Variants in FRY observed in about 807,000 individuals in gnomAD.
FRY encodes protein furry homolog.
A neutral mutation model predicts 348.4 loss-of-function variants in FRY; 128 were observed. That is an observed-to-expected ratio of 0.37 (90% CI 0.32 to 0.43). The LOEUF (loss-of-function observed/expected upper bound fraction) is 0.43, where lower values mean the gene tolerates loss of function less well. Ranked by LOEUF, FRY falls within the 20% of genes least tolerant of loss-of-function variation. The pLI is 1.00. For missense variants in FRY, 2,736 were observed against 3,695.2 expected, an observed-to-expected ratio of 0.74 and a Z score of 6.73; for synonymous variants, 1,370 against 1,374.7, an observed-to-expected ratio of 1.00 and a Z score of 0.08.
Position 32,034,249 on chromosome 13 carries a change from C to T in FRY, c.70+2384C>T, listed in dbSNP as rs370535324. Among the ~76,000 whole-genome samples the T allele has an allele frequency of 5.9e-5, 9 of 152,150 alleles. No individual in the cohort carries two copies. In the East Asian group the frequency reaches 1.3e-3, roughly 23 times the overall value. ...GTTAGAAGAAAGGTAATTCCATAAG[C>T]GTTTCCAGGTAAAGCTTTCCATATT... is the stretch of plus-strand genomic sequence containing the variant. On this transcript the variant is annotated intron_variant, in intron 1 of 60. Coordinates refer to ENST00000542859, the MANE Select transcript of FRY (RefSeq NM_023037.3).
chr13:32,041,913 T>C (rs975353101), intron 1 of FRY, among the ~76,000 whole-genome samples: 1 of 152,258 alleles, frequency 6.6e-6, no homozygotes, highest in African/African-American at 2.4e-5. Flanking sequence ...CATTTTCATC[T>C]GGCAGAGTAA....
intron 35 of FRY, among the ~76,000 whole-genome samples, chr13:32,216,648 G>A (rs1250137819): frequency 2.6e-5 from 4 of 152,190 alleles, no homozygotes; most frequent in Non-Finnish European, 4.4e-5. Context: ...AATGATGTCT[G>A]GGCCTAGCAG....
intron 51 of FRY, among the ~76,000 whole-genome samples, chr13:32,255,883 T>C (rs1238597935): frequency 6.6e-6 from 1 of 152,216 alleles, no homozygotes; most frequent in African/African-American, 2.4e-5. Flanking sequence ...AAATTCAAGC[T>C]TGGACACCTG....
chr13:32,047,582 G>GT (rs1390159735), intron 1 of FRY, among the ~76,000 whole-genome samples: 2 of 51,472 alleles, frequency 3.9e-5, no homozygotes, highest in South Asian at 9.8e-4. Flanking sequence ...CTTTTTTTTT[G>GT]GGGGGGGTGC....
intron 1 of FRY, among the ~76,000 whole-genome samples, chr13:32,054,900 G>T (rs376348199): frequency 4.7e-4 from 71 of 152,096 alleles, no homozygotes; most frequent in South Asian, 1.7e-3. Flanking sequence ...AATAAATAAA[G>T]AAAATAAAAG....
At position 32,181,789 on chromosome 13, in the gene FRY, T is replaced by G. The variant is rs144477383; in HGVS notation, c.2997-1188T>G. Among the ~76,000 whole-genome samples the G allele has an allele frequency of 1.8e-3, 273 of 152,146 alleles. 1 individual carries two copies. The highest frequency in any genetic ancestry group is 6.2e-3 in the African/African-American group (258 of 41,502). On this transcript the variant is annotated intron_variant, in intron 23 of 60. Transcript: ENST00000542859. ...GCCTCAGTTTTCTCAACTGTAAAAT[T>G]GGCATAATAAATAAAAATATATAAG...
intron 54 of FRY, 44 bp downstream of exon 54, chr13:32,265,660 G>C: frequency 6.4e-7 from 1 of 1,570,532 alleles, no homozygotes; most frequent in Non-Finnish European, 8.7e-7. Context: ...AATGTGCATG[G>C]TACATTATAT....
chr13:32,229,040 G>A (rs1403883308), intron 40 of FRY, among the ~76,000 whole-genome samples: 1 of 152,186 alleles, frequency 6.6e-6, no homozygotes, highest in African/African-American at 2.4e-5. Flanking sequence ...TGGAAATCAA[G>A]GATATTAGCC....
chr13:32,099,932 C>G (rs1205075551), intron 2 of FRY, among the ~76,000 whole-genome samples: 1 of 151,858 alleles, frequency 6.6e-6, no homozygotes. Flanking sequence ...ATTATTTTTG[C>G]AGAGAACTAG....
rs769178993 is a variant in FRY at position 32,171,098 on chromosome 13, A to G, written c.1979A>G (p.Glu660Gly). The stretch of plus-strand genomic sequence containing the variant: ...CTTGTTGACTTCTCAGATTGGAGGG[A>G]AGATGTACTATTTGGCTTTACCAAC... The part of the protein sequence containing the change: ...GLLVDFSDWR[E>G]DVLFGFTNFL... The change falls in exon 18 of 61, where the codon GAA (glutamate) becomes GGA (glycine). Residue 660 changes from glutamate (E) to glycine (G), a missense_variant. Glu to Gly is a moderately conservative substitution (Grantham distance 98). Around this residue, in one of 9 missense-constraint regions of FRY, gnomAD observed 449 missense variants for 576.9 expected, o/e 0.78. Coordinates refer to ENST00000542859, the MANE Select transcript of FRY (RefSeq NM_023037.3). The G allele has an allele frequency of 6.2e-7, 1 of 1,612,870 alleles. No individual in the cohort carries two copies. The highest frequency in any genetic ancestry group is 8.5e-7 in the Non-Finnish European group (1 of 1,178,920).
intron 43 of FRY, 66 bp downstream of exon 43, chr13:32,236,238 G>C (rs374886975): frequency 1.4e-5 from 17 of 1,185,514 alleles, no homozygotes; most frequent in East Asian, 1.4e-4. Context: ...GGAGATGCTG[G>C]ACTTTAGGAA....
chr13:32,231,324 T>A, intron 41 of FRY, 24 bp downstream of exon 41: 1 of 1,610,424 alleles, frequency 6.2e-7, no homozygotes, highest in Non-Finnish European at 8.5e-7. Flanking sequence ...TTTGCACAGA[T>A]CCCTCTTTCA....
chr13:32,167,509 C>T (rs1378272134), intron 17 of FRY, among the ~76,000 whole-genome samples: 2 of 152,300 alleles, frequency 1.3e-5, no homozygotes, highest in Admixed American at 1.3e-4. Context: ...GGACACCAGT[C>T]ATATTGGATT....
intron 3 of FRY, among the ~76,000 whole-genome samples, chr13:32,110,800 A>G (rs1877903641): frequency 6.6e-6 from 1 of 152,192 alleles, no homozygotes; most frequent in Non-Finnish European, 1.5e-5. Context: ...TATTATTTCA[A>G]CTTTTAAAAC....
chr13:32,270,827 G>T (rs138710733), intron 55 of FRY, among the ~76,000 whole-genome samples: 1 of 152,188 alleles, frequency 6.6e-6, no homozygotes, highest in East Asian at 1.9e-4. Context: ...TCTGTCTCCC[G>T]TGAAGAGGGC....
intron 1 of FRY, among the ~76,000 whole-genome samples, chr13:32,041,314 G>A (rs1365376766): frequency 2.4e-5 from 2 of 84,312 alleles, no homozygotes; most frequent in African/African-American, 9.4e-5. Context: ...TTTTTTTTGA[G>A]ACAGAGTCTA....
At chr13:32,290,444 G>A (rs1889281003) in intron 59 of FRY, among the ~76,000 whole-genome samples, 1 of 152,110 alleles carries the variant, frequency 6.6e-6, no homozygotes, top group East Asian at 1.9e-4. Flanking sequence ...GTTGGAGTGA[G>A]GGAGGAGCAT....
chr13:32,214,860 GTGAGGGAAGCACCATATCCATGGGC>G lies in FRY; in HGVS notation c.4682+2494_4682+2518del, dbSNP rs530243591. Among the ~76,000 whole-genome samples, 100 of 152,314 alleles carry G rather than the reference GTGAGGGAAGCACCATATCCATGGGC, an allele frequency of 6.6e-4. No homozygotes were observed. The Middle Eastern group carries it at 0.01, about 16-fold the overall frequency. On this transcript the variant is annotated intron_variant, in intron 35 of 60. Transcript: ENST00000542859. ...AGGCATCTCTTCCACCATATCCATT[GTGAGGGAAGCACCATATCCATGGGC>G]TGAGGGAAGCACCATGGAGTTGGAC...
At chr13:32,137,878 T>C (rs1390212163) in intron 11 of FRY, among the ~76,000 whole-genome samples, 2 of 152,244 alleles carry the variant, frequency 1.3e-5, no homozygotes, top group African/African-American at 4.8e-5. Context: ...TTAAGATTAA[T>C]TATATTATTT....
Sources: allele counts gnomAD v4.1 joint callset (sites outside exome capture counted in the v4.1 genomes callset), GRCh38; gene constraint gnomAD v4.1.1; regional missense constraint gnomAD v4.1.1; transcripts MANE v1.5; gene names NCBI Gene and HGNC (gene_info 2026-07-23, HGNC 2026-07-21).